Variants in TMEM87B observed in about 807,000 individuals in gnomAD.
The protein encoded by TMEM87B is transmembrane protein 87B.
In TMEM87B, 83 loss-of-function variants were observed where a neutral mutation model predicts 80.3. The ratio of observed to expected loss-of-function variants is 1.03; its 90% CI spans 0.87 to 1.24. The LOEUF (loss-of-function observed/expected upper bound fraction) is 1.24, where lower values mean the gene tolerates loss of function less well. TMEM87B is among the 50% of genes most tolerant of loss of function. The probability of loss-of-function intolerance (pLI) is 0.00; values close to 1 mark genes in which losing one functional copy is unlikely to be tolerated. For synonymous variants in TMEM87B, 219 were observed against 230.5 expected (o/e 0.95, Z 0.45); for missense variants, 625 against 674.4 (o/e 0.93, Z 0.81).
intron 8 of TMEM87B, among the ~76,000 whole-genome samples, chr2:112,083,784 G>A (rs921135268): frequency 6.6e-6 from 1 of 152,070 alleles, no homozygotes; most frequent in Non-Finnish European, 1.5e-5. Context: ...CTGTTGGTTT[G>A]TTCAACTAAC....
rs539210169 is a variant in TMEM87B at position 112,079,359 on chromosome 2, G to A, written c.593-1698G>A. Among the ~76,000 whole-genome samples, 5 of 152,270 alleles carry A rather than the reference G, an allele frequency of 3.3e-5. No individual in the cohort carries two copies. The East Asian group carries it at 9.6e-4, about 29-fold the overall frequency. ...AGATTCCACATATAAGTGAAAATGT[G>A]CAGTATTTGTCTTTCTGTGCTTGAC... is the stretch of plus-strand genomic sequence containing the variant. On this transcript the variant is annotated intron_variant, in intron 6 of 18. Transcript: ENST00000283206.
intron 18 of TMEM87B, among the ~76,000 whole-genome samples, chr2:112,113,190 A>G (rs1246380353): frequency 6.6e-6 from 1 of 152,250 alleles, no homozygotes; most frequent in African/African-American, 2.4e-5. Context: ...CGATTTTAAG[A>G]TGGCAGTTTG....
At chr2:112,071,035 C>T (rs1678611208) in intron 4 of TMEM87B, among the ~76,000 whole-genome samples, 1 of 151,572 alleles carries the variant, frequency 6.6e-6, no homozygotes, top group African/African-American at 2.4e-5. Flanking sequence ...CTGTGTTAGC[C>T]AGGATGGTCT....
chr2:112,070,946 C>G (rs1280589021), intron 4 of TMEM87B, among the ~76,000 whole-genome samples: 1 of 150,962 alleles, frequency 6.6e-6, no homozygotes, highest in Non-Finnish European at 1.5e-5. Flanking sequence ...CTCAGCCTCC[C>G]AAGTAGCTGG....
chr2:112,075,090 A>G, intron 5 of TMEM87B, 128 bp downstream of exon 5: 1 of 1,381,754 alleles, frequency 7.2e-7, no homozygotes, highest in Non-Finnish European at 9.5e-7. Context: ...AAGGAAAAGG[A>G]AACATTATTT....
chr2:112,059,899 A>G, intron 1 of TMEM87B, 78 bp from the exon 2 acceptor site: 1 of 1,521,422 alleles, frequency 6.6e-7, no homozygotes, highest in Non-Finnish European at 8.9e-7. Context: ...AAGGCTTAGA[A>G]CTCTATATGT....
At chr2:112,104,427 A>G (rs1375751708) in intron 15 of TMEM87B, among the ~76,000 whole-genome samples, 2 of 152,204 alleles carry the variant, frequency 1.3e-5, no homozygotes, top group African/African-American at 2.4e-5. Flanking sequence ...AGACACTTCA[A>G]AGAAGACATA....
At chr2:112,103,218 A>C (rs1036732466) in intron 15 of TMEM87B, among the ~76,000 whole-genome samples, 10 of 152,228 alleles carry the variant, frequency 6.6e-5, no homozygotes, top group African/African-American at 2.2e-4. Flanking sequence ...CTTCAAAAAT[A>C]AAATACTTGG....
chr2:112,081,106 G>T lies in TMEM87B; in HGVS notation c.642G>T (p.Trp214Cys). The T allele has an allele frequency of 1.2e-6, 2 of 1,612,424 alleles. No homozygotes were observed. The highest frequency in any genetic ancestry group is 1.7e-6 in the Non-Finnish European group (2 of 1,179,606). ...GPHGYISASDWPLMIFYMVMC... is the reference protein window; with the variant it reads ...GPHGYISASDCPLMIFYMVMC... ...ATGGATATATCTCTGCATCAGATTG[G>T]CCCCTAATGATTGTGAGTATTTCTC... The change falls in exon 7 of 19, where the codon TGG (tryptophan) becomes TGT (cysteine). Residue 214 changes from tryptophan (W) to cysteine (C), a missense_variant. Trp to Cys is a radical substitution (Grantham distance 215). Coordinates refer to ENST00000283206, the MANE Select transcript of TMEM87B (RefSeq NM_032824.3).
chr2:112,060,686 G>A (rs991824215), intron 2 of TMEM87B, among the ~76,000 whole-genome samples: 4 of 151,882 alleles, frequency 2.6e-5, no homozygotes, highest in African/African-American at 9.7e-5. Context: ...ACAGGCGAAC[G>A]CCACCACGCC....
At chr2:112,068,488 A>T (rs759782890) in intron 4 of TMEM87B, among the ~76,000 whole-genome samples, 2 of 152,172 alleles carry the variant, frequency 1.3e-5, no homozygotes, top group African/African-American at 4.8e-5. Context: ...GTGGATCATG[A>T]GGTCAGGAGA....
intron 11 of TMEM87B, among the ~76,000 whole-genome samples, chr2:112,094,917 A>T (rs1438242749): frequency 6.6e-6 from 1 of 151,960 alleles, no homozygotes; most frequent in Non-Finnish European, 1.5e-5. Context: ...CCTAAATGAT[A>T]TAAATGACAA....
chr2:112,115,790 G>A (rs1680004770), intron 18 of TMEM87B, among the ~76,000 whole-genome samples: 1 of 151,986 alleles, frequency 6.6e-6, no homozygotes, highest in Non-Finnish European at 1.5e-5. Flanking sequence ...TGGATTATAT[G>A]GTTATTTTTT....
intron 5 of TMEM87B, among the ~76,000 whole-genome samples, 154 bp from the exon 6 acceptor site, chr2:112,077,038 C>CAAA (rs35044756): frequency 4.7e-5 from 4 of 85,318 alleles, no homozygotes; most frequent in African/African-American, 8.0e-5. Flanking sequence ...ACCCCCATCT[C>CAAA]AAAAAAAAAA....
At chr2:112,091,018 C>T (rs190296454) in intron 10 of TMEM87B, among the ~76,000 whole-genome samples, 1 of 152,180 alleles carries the variant, frequency 6.6e-6, no homozygotes, top group African/African-American at 2.4e-5. Flanking sequence ...ATAATAAATA[C>T]TTGCCAGAAG....
At chr2:112,066,887 G>T in intron 3 of TMEM87B, 49 bp from the exon 4 acceptor site, 1 of 1,469,538 alleles carries the variant, frequency 6.8e-7, no homozygotes, top group Non-Finnish European at 9.1e-7. Flanking sequence ...TATATTCTAG[G>T]ATAAGAAGTG....
chr2:112,071,326 A>G, intron 4 of TMEM87B, among the ~76,000 whole-genome samples: 1 of 28,654 alleles, frequency 3.5e-5, no homozygotes, highest in Admixed American at 3.7e-4. Flanking sequence ...CGCCGCCACC[A>G]CTGCCCACTC....
At chr2:112,104,201 G>A (rs1679704574) in intron 15 of TMEM87B, among the ~76,000 whole-genome samples, 1 of 152,112 alleles carries the variant, frequency 6.6e-6, no homozygotes, top group South Asian at 2.1e-4. Context: ...ATGAAAAACA[G>A]TAACCATTAA....
At chr2:112,060,633 T>C (rs1678224399) in intron 2 of TMEM87B, among the ~76,000 whole-genome samples, 1 of 151,190 alleles carries the variant, frequency 6.6e-6, no homozygotes, top group South Asian at 2.1e-4. Context: ...GCCTCTCAGG[T>C]TCAAGTGATT....
Sources: allele counts gnomAD v4.1 joint callset (sites outside exome capture counted in the v4.1 genomes callset), GRCh38; gene constraint gnomAD v4.1.1; transcripts MANE v1.5; gene names NCBI Gene and HGNC (gene_info 2026-07-23, HGNC 2026-07-21).